The following NDRG2 variants were observed in gnomAD, a reference collection of about 807,000 sequenced individuals.
The protein encoded by NDRG2 is NDRG family member 2, also known as protein NDRG2.
Under a neutral mutation model 58.2 loss-of-function variants are expected in NDRG2, and 34 were observed. The ratio of observed to expected loss-of-function variants is 0.58; its 90% confidence interval spans 0.44 to 0.78. NDRG2 has a LOEUF of 0.78. Ranked by LOEUF, NDRG2 falls within the 30% of genes least tolerant of loss-of-function variation. NDRG2 has a pLI of 0.00. For missense variants in NDRG2, 434 were observed against 471.2 expected, an observed-to-expected ratio of 0.92 and a Z score of 0.73; for synonymous variants, 187 against 175.9, an observed-to-expected ratio of 1.06 and a Z score of -0.50.
At chr14:21,062,351 G>C (rs1418246191) in intron 1 of NDRG2, among the ~76,000 whole-genome samples, 1 of 152,178 alleles carries the variant, frequency 6.6e-6, no homozygotes, top group Non-Finnish European at 1.5e-5. Flanking sequence ...CAAGGCTCAG[G>C]CTCAAGGGCA....
At position 21,065,196 on chromosome 14, in the gene NDRG2, C is replaced by A. The variant is rs11622626; in HGVS notation, c.24+5632G>T. On this transcript the variant is annotated intron_variant, in intron 1 of 14. Coordinates refer to the NDRG2 transcript ENST00000403829. ...AAAAAAAAAAAACAAACAACAACAA[C>A]AAAAAAATTCTGTCCTGCATGCCTT... 6.6e-3 allele frequency among the ~76,000 whole-genome samples: 1,002 copies of A among 151,374 alleles called. 6 individuals carry two copies. The highest frequency in any genetic ancestry group is 8.2e-3 in the Non-Finnish European group (559 of 67,830).
In NDRG2 at chr14:21,022,877, A is replaced by G. The variant is rs1365932702; in HGVS notation, c.104T>C (p.Leu35Pro). ...KEAELAARIL[L>P]DQGQTHSVET... Reference sequence around the variant, plus strand: ...CCACACTGTTACCTGTCCCTGGTCCAGGAGGATTCGGGCAGCTAACTCAGC... The same window carrying G: ...CCACACTGTTACCTGTCCCTGGTCCGGGAGGATTCGGGCAGCTAACTCAGC... Residue 35 changes from leucine to proline, a missense_variant, in exon 3 of 16, where the codon CTG becomes CCG. Physicochemically the swap from Leu to Pro is moderately conservative, Grantham distance 98. Coordinates refer to ENST00000556147, the MANE Select transcript of NDRG2 (RefSeq NM_001320329.2). 1.9e-6 allele frequency: 3 copies of G among 1,613,856 alleles called. No homozygotes were observed. Among genetic ancestry groups the G allele is most frequent in the Non-Finnish European group, 2.5e-6 (3 of 1,179,940 alleles).
chr14:21,031,933 C>G (rs747127204), intron 1 of NDRG2: 1 of 1,614,128 alleles, frequency 6.2e-7, no homozygotes, highest in Admixed American at 1.7e-5. Context: ...TGACAGACAC[C>G]AGCAAGTACA....
intron 8 of NDRG2, 37 bp from the exon 9 acceptor site, chr14:21,020,013 T>C: frequency 6.3e-7 from 1 of 1,597,264 alleles, no homozygotes; most frequent in Non-Finnish European, 8.6e-7. Flanking sequence ...TTCAGGGTAT[T>C]GGCCAGGCAC....
chr14:21,041,445 C>T (rs1884891301), intron 1 of NDRG2, among the ~76,000 whole-genome samples: 1 of 152,214 alleles, frequency 6.6e-6, no homozygotes, highest in Non-Finnish European at 1.5e-5. Context: ...AAAAATATTC[C>T]TCATCTCAGT....
intron 1 of NDRG2, chr14:21,033,602 G>C (rs2139088768): frequency 1.7e-6 from 1 of 588,302 alleles, no homozygotes; most frequent in Non-Finnish European, 3.0e-6. Context: ...GAGGAGGTGG[G>C]GGCGAAGAGG....
chr14:21,019,027 C>G, intron 11 of NDRG2, 89 bp downstream of exon 11: 1 of 1,438,684 alleles, frequency 7.0e-7, no homozygotes, highest in Non-Finnish European at 9.5e-7. Context: ...AGGAAGTTCC[C>G]TGGCAAAAGA....
chr14:21,060,492 A>G (rs1417713010), intron 1 of NDRG2, among the ~76,000 whole-genome samples: 1 of 152,196 alleles, frequency 6.6e-6, no homozygotes, highest in African/African-American at 2.4e-5. Context: ...GGTGTTTCCC[A>G]GGGTCCTGTT....
At position 21,070,211 on chromosome 14, in the gene NDRG2, G is replaced by T; in HGVS notation, c.24+617C>A. The T allele has an allele frequency of 2.5e-6, 1 of 400,700 alleles. No individual in the cohort carries two copies. The highest frequency in any genetic ancestry group is 3.8e-6 in the Non-Finnish European group (1 of 262,488). 24.8% of individuals were successfully genotyped at this position (400,700 alleles called of 1,614,324 possible). ...CGGGCGCTGAAGGGCGGGGCGGGGA[G>T]GGGCGGCCGTCTCGGCCCTCCCTGG... On this transcript the variant is annotated intron_variant, in intron 1 of 14. Coordinates refer to the NDRG2 transcript ENST00000403829. The surrounding 1 kb of genome is among the most constrained non-coding windows in gnomAD (Gnocchi z 4.7).
Position 21,024,412 on chromosome 14 carries a change from G to C in NDRG2, c.-389C>G. On this transcript the variant is annotated 5_prime_UTR_variant, in exon 1 of 16. Transcript: ENST00000556147. ...GCTCTGCCACTCCCAGTGTGACCTT[G>C]CCCCAGTTAGTTACTACATTTGGCC... The C allele has an allele frequency of 1.1e-6, 1 of 901,584 alleles. No individual in the cohort carries two copies. Among genetic ancestry groups the C allele is most frequent in the Non-Finnish European group, 1.3e-6 (1 of 753,662 alleles). 55.8% of individuals were successfully genotyped at this position (901,584 alleles called of 1,614,324 possible). A position where few individuals can be genotyped will look rare whatever the true frequency, so the allele number is the denominator to read the frequency against.
At chr14:21,021,121 T>C (rs779766582) in intron 6 of NDRG2, 25 of 603,260 alleles carry the variant, frequency 4.1e-5, no homozygotes, top group Non-Finnish European at 6.8e-5. Flanking sequence ...AACACACTGT[T>C]TTCCCATATA....
At chr14:21,030,815 A>G (rs1884041892), upstream of NDRG2, 6 of 1,583,894 alleles carry the variant, frequency 3.8e-6, no homozygotes, top group African/African-American at 4.0e-5. Context: ...TTGGCCACGG[A>G]AGGGTTCACG....
chr14:21,023,179 A>T, intron 2 of NDRG2, 62 bp downstream of exon 2: 1 of 1,404,816 alleles, frequency 7.1e-7, no homozygotes, highest in African/African-American at 1.4e-5. Context: ...GGAAGTTAGA[A>T]GGCAAGGGGG....
intron 15 of NDRG2, 107 bp downstream of exon 15, chr14:21,017,880 G>A: frequency 5.6e-6 from 9 of 1,602,534 alleles, no homozygotes; most frequent in South Asian, 2.2e-5. Context: ...GGATCAACGA[G>A]CTCGATTGGG....
upstream of NDRG2, among the ~76,000 whole-genome samples, chr14:21,026,183 C>A (rs1318904718): frequency 6.6e-6 from 1 of 152,146 alleles, no homozygotes; most frequent in Admixed American, 6.5e-5. Flanking sequence ...GGAATGAGCT[C>A]TCCTTGTGCC....
chr14:21,035,081 A>C (rs1884531038), intron 1 of NDRG2, among the ~76,000 whole-genome samples: 1 of 152,200 alleles, frequency 6.6e-6, no homozygotes, highest in South Asian at 2.1e-4. Flanking sequence ...CCACTTTGTC[A>C]TCCCACTCAC....
rs781154658 is a variant in NDRG2 at position 21,017,620 on chromosome 14, C to T, written c.1092G>A (p.Gly364=). ...TTCAACAGGAGACCTCCATGGTGTG[C>T]CCCGGGGGCCCCGAAGAAAGAGTTC... ...ESGTLSSGPP[G]HTMEVSC The change falls in exon 16 of 16, where the codon GGG becomes GGA. Residue 364 remains glycine, a synonymous_variant. Transcript: ENST00000556147. 2 of 1,613,582 alleles carry T rather than the reference C, an allele frequency of 1.2e-6. No individual in the cohort carries two copies.
chr14:21,020,813 C>T lies in NDRG2; in HGVS notation c.439G>A (p.Ala147Thr), dbSNP rs1436861204. ...FSTIIGVGVGAGAYILARYAL... is the reference protein window; with the variant it reads ...FSTIIGVGVGTGAYILARYAL... The stretch of plus-strand genomic sequence containing the variant: ...TATCTCGCCAGGATGTAGGCTCCAG[C>T]TCCAACACCAACTCCAATTATTGTA... The change falls in exon 7 of 16, where the codon GCT (alanine) becomes ACT (threonine). Residue 147 changes from alanine (A) to threonine (T), a missense_variant. By Grantham distance (58) the Ala-to-Thr change is moderately conservative. Transcript: ENST00000556147. The T allele has an allele frequency of 6.2e-7, 1 of 1,613,674 alleles. No homozygotes were observed. The highest frequency in any genetic ancestry group is 1.3e-5 in the African/African-American group (1 of 74,876).
chr14:21,057,541 G>T (rs1885728671), intron 1 of NDRG2, among the ~76,000 whole-genome samples: 1 of 149,818 alleles, frequency 6.7e-6, no homozygotes, highest in Admixed American at 6.7e-5. Flanking sequence ...AGAGGTCCTG[G>T]TTAAAATCTT....
Sources: gnomAD v4.1 joint callset for allele counts (sites outside exome capture counted in the v4.1 genomes callset) on GRCh38, gnomAD v4.1.1 for gene constraint, Gnocchi (gnomAD v3.1) non-coding constraint, MANE v1.5 for transcripts, NCBI Gene and HGNC (gene_info 2026-07-23, HGNC 2026-07-21) for gene names.